The following MEI1 variants were observed in gnomAD, a reference collection of about 807,000 sequenced individuals.
MEI1 encodes the protein meiosis inhibitor protein 1.
A neutral mutation model predicts 146.2 loss-of-function variants in MEI1; 103 were observed. That is an observed-to-expected ratio of 0.70 (90% CI 0.60 to 0.83). The LOEUF is 0.83. Among genes scored for constraint, MEI1 ranks in the 40% least tolerant of loss-of-function variants. MEI1 has a pLI of 0.00. For missense variants in MEI1, 1,529 were observed against 1,533.0 expected (o/e 1.00, Z 0.04); for synonymous variants, 652 against 628.2 (o/e 1.04, Z -0.57).
At chr22:41,751,409 G>A (rs1402009833) in intron 15 of MEI1, among the ~76,000 whole-genome samples, 3 of 152,188 alleles carry the variant, frequency 2.0e-5, no homozygotes, top group Non-Finnish European at 4.4e-5. Context: ...ACAGAGGTTA[G>A]TATTGACTGA....
chr22:41,784,708 G>T lies in MEI1; in HGVS notation c.3270G>T (p.Lys1090Asn), dbSNP rs757509026. 1 of 1,613,534 alleles carries T rather than the reference G, an allele frequency of 6.2e-7. No homozygotes were observed. Among genetic ancestry groups the T allele is most frequent in the Non-Finnish European group, 8.5e-7 (1 of 1,179,798 alleles). ...PSGAQPLPAT[K>N]DTVLAPLRMS... is the part of the protein sequence containing the mutation. ...GGGCCCAGCCACTGCCAGCCACCAA[G>T]GACACTGTCCTAGCTCCACTGCGAA... Residue 1090 changes from lysine (K) to asparagine (N), a missense_variant, in exon 26 of 31, where the codon AAG becomes AAT. By Grantham distance (94) the Lys-to-Asn change is moderately conservative. Coordinates refer to ENST00000401548, the MANE Select transcript of MEI1 (RefSeq NM_152513.4).
chr22:41,705,425 C>T (rs2069012526), intron 2 of MEI1, 79 bp from the exon 3 acceptor site: 4 of 1,207,640 alleles, frequency 3.3e-6, no homozygotes, highest in Non-Finnish European at 4.9e-6. Flanking sequence ...GCCACCTCGG[C>T]CTCCCAAATT....
chr22:41,700,973 C>T (rs925908688), intron 1 of MEI1, among the ~76,000 whole-genome samples: 1 of 140,664 alleles, frequency 7.1e-6, no homozygotes, highest in African/African-American at 2.7e-5. Flanking sequence ...GAGTTTCACT[C>T]TTGTTGCCCA....
intron 16 of MEI1, chr22:41,753,588 T>C (rs763163003): frequency 5.8e-4 from 92 of 158,432 alleles, no homozygotes; most frequent in Non-Finnish European, 6.5e-4. Flanking sequence ...CAAGTGATTC[T>C]CCTGCCTCAG....
intron 22 of MEI1, among the ~76,000 whole-genome samples, chr22:41,780,699 G>T (rs1473607776): frequency 6.6e-6 from 1 of 150,760 alleles, no homozygotes; most frequent in Non-Finnish European, 1.5e-5. Flanking sequence ...TTCCACCTCA[G>T]CCTCTCGAGT....
Position 41,748,092 on chromosome 22 carries a change from CCT to C in MEI1, c.1681-14_1681-13del. The C allele has an allele frequency of 4.4e-6, 7 of 1,595,036 alleles. No individual in the cohort carries two copies. Among genetic ancestry groups the C allele is most frequent in the Non-Finnish European group, 6.0e-6 (7 of 1,162,948 alleles). ...AGTCCCCGTGGGCTGTGTTCTCTCT[CCT>C]GGTTCTTTGCAGAGACACTTGGAGC... On this transcript the variant is annotated splice_polypyrimidine_tract_variant and intron_variant, in intron 14 of 30. Coordinates refer to ENST00000401548, the MANE Select transcript of MEI1 (RefSeq NM_152513.4).
intron 22 of MEI1, among the ~76,000 whole-genome samples, chr22:41,780,364 A>G (rs1286697531): frequency 6.6e-6 from 1 of 152,086 alleles, no homozygotes; most frequent in East Asian, 1.9e-4. Flanking sequence ...GCTGCCAAAA[A>G]GTGAATGGAG....
Position 41,776,129 on chromosome 22 carries a change from A to G in MEI1, c.2572A>G (p.Thr858Ala), listed in dbSNP as rs373331979. The G allele has an allele frequency of 5.0e-5, 81 of 1,613,784 alleles. No individual in the cohort carries two copies. The highest frequency in any genetic ancestry group is 2.2e-4 in the Admixed American group (13 of 59,988). The change falls in exon 21 of 31, where the codon ACA becomes GCA. Residue 858 changes from threonine (T) to alanine (A), a missense_variant. By Grantham distance (58) the Thr-to-Ala change is moderately conservative. Coordinates refer to ENST00000401548, the MANE Select transcript of MEI1 (RefSeq NM_152513.4). Reference protein sequence around the residue: ...LDLIYSSPVDTAHKVLISLRT... With the variant: ...LDLIYSSPVDAAHKVLISLRT... ...CCTCATCTATTCCAGCCCAGTGGAC[A>G]CAGCTCACAAGGTACTGATTAGCCT...
chr22:41,787,755 T>G (rs2076041363), intron 26 of MEI1, among the ~76,000 whole-genome samples: 1 of 152,188 alleles, frequency 6.6e-6, no homozygotes, highest in South Asian at 2.1e-4. Flanking sequence ...TGGCACAAAG[T>G]TGGCATCTGG....
intron 30 of MEI1, among the ~76,000 whole-genome samples, chr22:41,798,849 C>T (rs1230427636): frequency 2.0e-5 from 3 of 149,968 alleles, no homozygotes; most frequent in Non-Finnish European, 4.4e-5. Flanking sequence ...CACACTCCAG[C>T]CTGGGTGGCA....
chr22:41,730,588 A>G lies in MEI1; in HGVS notation c.1047A>G (p.Thr349=), dbSNP rs778047977. ...TCTGGTCCAGCTGTAACTGCTTGAC[A>G]CTCCTGGTAGAAGAGCCACTCTTTT... The part of the protein sequence containing the change: ...VLVWSSCNCL[T]LLVEEPLFFS... The change falls in exon 9 of 31, where the codon ACA becomes ACG. Residue 349 remains threonine (T), a synonymous_variant. Coordinates refer to ENST00000401548, the MANE Select transcript of MEI1 (RefSeq NM_152513.4). 6.2e-6 allele frequency: 10 copies of G among 1,613,436 alleles called. No individual in the cohort carries two copies. In the South Asian group the frequency reaches 1.1e-4, roughly 18 times the overall value.
chr22:41,772,540 T>G (rs951218334), intron 20 of MEI1, among the ~76,000 whole-genome samples: 13 of 152,128 alleles, frequency 8.5e-5, no homozygotes, highest in Non-Finnish European at 1.3e-4. Flanking sequence ...CAAGCTGGTC[T>G]CAAATTCCTG....
intron 17 of MEI1, among the ~76,000 whole-genome samples, chr22:41,758,044 G>A (rs886652602): frequency 6.6e-6 from 1 of 152,136 alleles, no homozygotes; most frequent in African/African-American, 2.4e-5. Flanking sequence ...GAACGGGGAG[G>A]TTGCAGTGAG....
At chr22:41,793,984 TC>T in intron 27 of MEI1, 74 bp downstream of exon 27, 1 of 1,335,392 alleles carries the variant, frequency 7.5e-7, no homozygotes, top group Middle Eastern at 1.8e-4. Context: ...ACCCTCCTGC[TC>T]CAGCCTTCCA....
In MEI1 at chr22:41,795,126, CGTA is replaced by C. The variant is rs1254247131; in HGVS notation, c.3535-282_3535-280del. ...ATGGTGGTATGTCAGGGGAGCCACA[CGTA>C]GTTCATTTTGGCCATGAGTGTTCAG... On this transcript the variant is annotated intron_variant, in intron 28 of 30. Transcript: ENST00000401548. This position sits in a 1 kb window ranked among gnomAD's most constrained non-coding sequence, Gnocchi z 4.2. 1.3e-5 allele frequency among the ~76,000 whole-genome samples: 2 copies of C among 152,132 alleles called. No individual in the cohort carries two copies. Among genetic ancestry groups the C allele is most frequent in the Non-Finnish European group, 2.9e-5 (2 of 68,032 alleles).
intron 3 of MEI1, among the ~76,000 whole-genome samples, chr22:41,712,204 C>CAA (rs561773303): frequency 2.4e-4 from 13 of 53,650 alleles, no homozygotes; most frequent in East Asian, 9.6e-4. Context: ...AACTCCGGCT[C>CAA]AAAAAAAAAA....
Position 41,732,603 on chromosome 22 carries a change from G to C in MEI1, c.1331G>C (p.Arg444Thr). 1 of 1,612,308 alleles carries C rather than the reference G, an allele frequency of 6.2e-7. No individual in the cohort carries two copies. The highest frequency in any genetic ancestry group is 8.5e-7 in the Non-Finnish European group (1 of 1,179,332). Residue 444 changes from arginine (R) to threonine (T), a missense_variant and splice_region_variant, in exon 11 of 31, where the codon AGG becomes ACG. Around this residue, in one of 3 missense-constraint regions of MEI1, gnomAD observed 1,212 missense variants for 1,178.9 expected, o/e 1.03. Transcript: ENST00000401548. ...TTGAAGGCCACTTCTGCTTTTCTGA[G>C]GTGAGAGACCCAGGCAGGCTGAACT... ...EALKATSAFLRKDHQSTPPVQ... is the reference protein window; with the variant it reads ...EALKATSAFLTKDHQSTPPVQ...
intron 1 of MEI1, among the ~76,000 whole-genome samples, chr22:41,701,264 T>A (rs983215464): frequency 3.3e-5 from 5 of 152,092 alleles, no homozygotes; most frequent in Non-Finnish European, 7.4e-5. Context: ...TATCTATTTC[T>A]GCATTCAGTC....
chr22:41,793,245 C>G (rs1021734044), intron 26 of MEI1, among the ~76,000 whole-genome samples: 2 of 151,668 alleles, frequency 1.3e-5, no homozygotes. Context: ...ATCATCTTGG[C>G]CAGGCTGAAC....
Sources: allele counts gnomAD v4.1 joint callset (sites outside exome capture counted in the v4.1 genomes callset), GRCh38; gene constraint gnomAD v4.1.1; regional missense constraint gnomAD v4.1.1; non-coding constraint Gnocchi (gnomAD v3.1); transcripts MANE v1.5; gene names NCBI Gene and HGNC (gene_info 2026-07-23, HGNC 2026-07-21).